The following EIF4G2 variants were observed in gnomAD, a reference collection of about 807,000 sequenced individuals.
The protein encoded by EIF4G2 is eukaryotic translation initiation factor 4 gamma 2.
A neutral mutation model predicts 117.7 loss-of-function variants in EIF4G2; 8 were observed. That is an observed-to-expected ratio of 0.07 (90% CI 0.04 to 0.12). The LOEUF is 0.12. EIF4G2 is among the 10% of genes least tolerant of loss of function. The pLI, the probability that EIF4G2 is intolerant of heterozygous loss-of-function variation, is 1.00. For synonymous variants in EIF4G2, 413 were observed against 367.8 expected, an observed-to-expected ratio of 1.12 and a Z score of -1.41; for missense variants, 812 against 1,086.2, an observed-to-expected ratio of 0.75 and a Z score of 3.55.
At chr11:10,808,055 C>A in intron 1 of EIF4G2, 1 of 1,045,610 alleles carries the variant, frequency 9.6e-7, no homozygotes, top group Non-Finnish European at 1.2e-6. Flanking sequence ...CAGCTGAGGC[C>A]ACCCCCGCCA....
At chr11:10,800,065 A>C in intron 18 of EIF4G2, 25 bp downstream of exon 18, 1 of 1,602,278 alleles carries the variant, frequency 6.2e-7, no homozygotes, top group African/African-American at 1.3e-5. Context: ...AAAAAAACAA[A>C]ACAAACAAGT....
rs1009551071 is a variant in EIF4G2 at position 10,806,803 on chromosome 11, T to C, written c.107+17A>G. ...CTGTTAAATAAAGCTCACTGTTTTTTTACATGTTTACCACACCTGTTGCCA... is the reference window on the plus strand; with the variant it reads ...CTGTTAAATAAAGCTCACTGTTTTTCTACATGTTTACCACACCTGTTGCCA... On this transcript the variant is annotated intron_variant, in intron 3 of 21. Transcript: ENST00000339995. The C allele has an allele frequency of 1.9e-6, 3 of 1,613,600 alleles. No homozygotes were observed. The highest frequency in any genetic ancestry group is 2.5e-6 in the Non-Finnish European group (3 of 1,179,512).
In EIF4G2 at chr11:10,807,407, T is replaced by TA. The variant is rs773238559; in HGVS notation, c.-86-27dup. 5.1e-6 allele frequency: 8 copies of TA among 1,580,506 alleles called. 1 individual carries two copies. In the South Asian group the frequency reaches 8.0e-5, roughly 16 times the overall value. ...CTGGAACGAGAAAGAGCACCAAAAT[T>TA]AGACACTGCTAACATACAGATCTAT... On this transcript the variant is annotated intron_variant, in intron 1 of 21. Transcript: ENST00000339995.
rs959461961 is a variant in EIF4G2 at position 10,805,885 on chromosome 11, TAA to T, written c.248+20_248+21del. On this transcript the variant is annotated intron_variant, in intron 4 of 21. Transcript: ENST00000339995. ...CTAATCCACACTTCCCATCTTTTAG[TAA>T]AACAGACCTTGAAACTTACCCTCTT... 6.2e-7 allele frequency: 1 copy of T among 1,614,084 alleles called. No homozygotes were observed. The highest frequency in any genetic ancestry group is 1.3e-5 in the African/African-American group (1 of 74,938).
chr11:10,801,028 C>A lies in EIF4G2; in HGVS notation c.1473G>T (p.Gln491His). 6.2e-7 allele frequency: 1 copy of A among 1,614,114 alleles called. No homozygotes were observed. The highest frequency in any genetic ancestry group is 8.5e-7 in the Non-Finnish European group (1 of 1,180,004). The stretch of plus-strand genomic sequence containing the variant: ...TAGGAGGAATCATAGTTATCTGGGG[C>A]TGAAGCTTTGGCACTTGATTTTTAT... The change falls in exon 15 of 22, where the codon CAG becomes CAT. Residue 491 changes from glutamine to histidine, a missense_variant. By Grantham distance (24) the Gln-to-His change is conservative. Coordinates refer to ENST00000339995, the MANE Select transcript of EIF4G2 (RefSeq NM_001418.4).
rs763852337 is a variant in EIF4G2, at chr11:10,803,597, G to T, written c.703-7C>A. 6 of 1,609,816 alleles carry T rather than the reference G, an allele frequency of 3.7e-6. No homozygotes were observed. In the East Asian group the frequency reaches 1.3e-4, roughly 36 times the overall value. On this transcript the variant is annotated splice_region_variant and splice_polypyrimidine_tract_variant and intron_variant, in intron 8 of 21. Coordinates refer to ENST00000339995, the MANE Select transcript of EIF4G2 (RefSeq NM_001418.4). This position sits in a 1 kb window ranked among gnomAD's most constrained non-coding sequence, Gnocchi z 4.0. ...TCTTCTTCTTTTCCAAAAGCTACAA[G>T]AATAAAAGGCCATGGTGACAAAGTT...
Position 10,799,382 on chromosome 11 carries a change from A to T in EIF4G2, c.2367T>A (p.Asp789Glu). 3 of 1,612,608 alleles carry T rather than the reference A, an allele frequency of 1.9e-6. No homozygotes were observed. Among genetic ancestry groups the T allele is most frequent in the Non-Finnish European group, 1.7e-6 (2 of 1,180,012 alleles). The change falls in exon 20 of 22, where the codon GAT becomes GAA. Residue 789 changes from aspartate to glutamate, a missense_variant. By Grantham distance (45) the Asp-to-Glu change is conservative. Around this residue, in one of 4 missense-constraint regions of EIF4G2, gnomAD observed 571 missense variants for 642.3 expected, o/e 0.89. Transcript: ENST00000339995. ...AAGGAGCAGAGGATGAATCTGTTTC[A>T]TCGCTGGGGGGGTTTACTTCACTAG...
At chr11:10,799,924 GT>G in intron 18 of EIF4G2, 165 bp downstream of exon 18, 1 of 1,144,156 alleles carries the variant, frequency 8.7e-7, no homozygotes, top group Non-Finnish European at 1.2e-6. Context: ...TCAAATGAAA[GT>G]AGTTAAATTA....
Position 10,804,371 on chromosome 11 carries a change from A to G in EIF4G2, c.399T>C (p.Ala133=), listed in dbSNP as rs1458008830. ...CTTCTGCCAATCGCAGACATAGCTG[A>G]GCATACAGTGAGCTATACTTTGGCT... The change falls in exon 6 of 22, where the codon GCT becomes GCC. Residue 133 remains alanine (A), a synonymous_variant. Transcript: ENST00000339995. 4 of 1,613,930 alleles carry G rather than the reference A, an allele frequency of 2.5e-6. No individual in the cohort carries two copies. The highest frequency in any genetic ancestry group is 3.4e-6 in the Non-Finnish European group (4 of 1,180,002).
chr11:10,799,510 G>A (rs773412176), intron 19 of EIF4G2, 42 bp downstream of exon 19: 21 of 1,609,018 alleles, frequency 1.3e-5, no homozygotes, highest in Non-Finnish European at 1.7e-5. Flanking sequence ...TTCTTTTCCA[G>A]TACATGAAAC....
intron 3 of EIF4G2, 51 bp downstream of exon 3, chr11:10,806,769 A>G: frequency 6.3e-7 from 1 of 1,592,976 alleles, no homozygotes; most frequent in Non-Finnish European, 8.6e-7. Context: ...CATGGGAAAG[A>G]CTTTTAATCT....
Position 10,805,853 on chromosome 11 carries a change from AAC to A in EIF4G2, c.248+52_248+53del, listed in dbSNP as rs150272266. On this transcript the variant is annotated intron_variant, in intron 4 of 21. Coordinates refer to ENST00000339995, the MANE Select transcript of EIF4G2 (RefSeq NM_001418.4). ...TCTTAGTAATACAGCACACACACCAAACACAGCTAATCCACACTTCCCATCTT... is the reference window on the plus strand; with the variant it reads ...TCTTAGTAATACAGCACACACACCAAACAGCTAATCCACACTTCCCATCTT... 5.3e-3 allele frequency: 8,609 copies of A among 1,613,198 alleles called. 434 individuals carry two copies. In the East Asian group the frequency reaches 0.13, roughly 24 times the overall value.
intron 4 of EIF4G2, among the ~76,000 whole-genome samples, chr11:10,805,475 A>C (rs1205121622): frequency 6.6e-6 from 1 of 151,134 alleles, no homozygotes; most frequent in Non-Finnish European, 1.5e-5. Context: ...TTTTTGAGAC[A>C]CAGTCTTGCT....
In EIF4G2 at chr11:10,806,904, T is replaced by C. The variant is rs755365900; in HGVS notation, c.42-19A>G. On this transcript the variant is annotated intron_variant, in intron 2 of 21. Transcript: ENST00000339995. ...AGAAGCACTATTTAAAAGAAAAAAATTGTTTACTGTATCCCAACTATGTCT... is the reference window on the plus strand; with the variant it reads ...AGAAGCACTATTTAAAAGAAAAAAACTGTTTACTGTATCCCAACTATGTCT... 3 of 1,612,114 alleles carry C rather than the reference T, an allele frequency of 1.9e-6. No homozygotes were observed. Among genetic ancestry groups the C allele is most frequent in the South Asian group, 2.2e-5 (2 of 91,004 alleles).
intron 1 of EIF4G2, chr11:10,807,890 G>GGC: frequency 9.9e-7 from 1 of 1,006,168 alleles, no homozygotes; most frequent in Non-Finnish European, 1.2e-6. Flanking sequence ...ACTTGCAGGC[G>GGC]GAAGACCAGG....
intron 18 of EIF4G2, 137 bp from the exon 19 acceptor site, chr11:10,799,893 GA>G (rs1193159911): frequency 1.7e-6 from 2 of 1,208,802 alleles, no homozygotes; most frequent in South Asian, 3.1e-5. Flanking sequence ...CCCAGCAAAT[GA>G]AAAAAACTCA....
In EIF4G2 at chr11:10,800,991, G is replaced by C; in HGVS notation, c.1510C>G (p.Pro504Ala). The C allele has an allele frequency of 6.2e-7, 1 of 1,614,184 alleles. No individual in the cohort carries two copies. The highest frequency in any genetic ancestry group is 8.5e-7 in the Non-Finnish European group (1 of 1,180,002). The change falls in exon 15 of 22, where the codon CCA (proline) becomes GCA (alanine). Residue 504 changes from proline (P) to alanine (A), a missense_variant. By Grantham distance (27) the Pro-to-Ala change is conservative. Coordinates refer to ENST00000339995, the MANE Select transcript of EIF4G2 (RefSeq NM_001418.4). ...CCCAGAGGTGGTGTTTGAGTGCGTG[G>C]TGGTTGTGCACTAGGAGGAATCATA... is the stretch of plus-strand genomic sequence containing the variant.
chr11:10,797,634 A>G lies in EIF4G2; in HGVS notation c.*182T>C. On this transcript the variant is annotated 3_prime_UTR_variant, in exon 22 of 22. Coordinates refer to ENST00000339995, the MANE Select transcript of EIF4G2 (RefSeq NM_001418.4). The surrounding 1 kb of genome is among the most constrained non-coding windows in gnomAD (Gnocchi z 4.5). ...ATACTCCTAAAATATTTGATGGTAG[A>G]CTATGATTAAGACATTACACTACAA... 2 of 622,100 alleles carry G rather than the reference A, an allele frequency of 3.2e-6. No individual in the cohort carries two copies. The highest frequency in any genetic ancestry group is 2.6e-5 in the East Asian group (1 of 37,846). The allele number at this position is 622,100 out of a possible 1,614,324, so 38.5% of individuals were successfully genotyped here. A position where few individuals can be genotyped will look rare whatever the true frequency, so the allele number is the denominator to read the frequency against.
chr11:10,807,791 G>C, intron 1 of EIF4G2: 1 of 991,040 alleles, frequency 1.0e-6, no homozygotes, highest in Non-Finnish European at 1.2e-6. Flanking sequence ...AAGCTCTTCA[G>C]CAGTTTTCCC....
Sources: allele counts gnomAD v4.1 joint callset (sites outside exome capture counted in the v4.1 genomes callset), GRCh38; gene constraint gnomAD v4.1.1; regional missense constraint gnomAD v4.1.1; non-coding constraint Gnocchi (gnomAD v3.1); transcripts MANE v1.5; gene names NCBI Gene and HGNC (gene_info 2026-07-23, HGNC 2026-07-21).